PRSS3: variants seen among roughly 807,000 people sequenced by gnomAD.
The protein encoded by PRSS3 is trypsin-3.
Under a neutral mutation model 20.8 loss-of-function variants are expected in PRSS3, and 14 were observed. The observed-to-expected ratio is 0.67, with a 90% CI of 0.44 to 1.05. PRSS3 has a LOEUF of 1.05. Among genes scored for constraint, PRSS3 ranks in the 50% least tolerant of loss-of-function variants. PRSS3 has a pLI of 0.00. For synonymous variants in PRSS3, 91 were observed against 117.6 expected (o/e 0.77, Z 1.46); for missense variants, 237 against 306.4 (o/e 0.77, Z 1.69).
chr9:33,763,564 T>TGGC (rs1285055372), intron 1 of PRSS3, among the ~76,000 whole-genome samples: 1 of 151,998 alleles, frequency 6.6e-6, no homozygotes, highest in African/African-American at 2.4e-5. Flanking sequence ...CCGGGCGTGG[T>TGGC]GGCGGGCACC....
intron 1 of PRSS3, among the ~76,000 whole-genome samples, chr9:33,752,083 T>C (rs1004793235): frequency 2.6e-5 from 4 of 152,228 alleles, no homozygotes; most frequent in East Asian, 1.9e-4. Flanking sequence ...TTCCACTTCC[T>C]TCTTTTTAAA....
intron 1 of PRSS3, among the ~76,000 whole-genome samples, chr9:33,767,834 A>AG (rs897889980): frequency 7.3e-6 from 1 of 137,238 alleles, no homozygotes; most frequent in African/African-American, 2.8e-5. Context: ...TGAAAAAAAA[A>AG]GGAACTTTAG....
chr9:33,795,648 C>G (rs780792340), intron 1 of PRSS3, 35 bp downstream of exon 1: 1 of 1,611,798 alleles, frequency 6.2e-7, no homozygotes, highest in East Asian at 2.2e-5. Context: ...CCCCACCCAC[C>G]CCCTTTCCTG....
intron 1 of PRSS3, among the ~76,000 whole-genome samples, chr9:33,773,701 C>T (rs1447239875): frequency 6.6e-6 from 1 of 152,190 alleles, no homozygotes; most frequent in South Asian, 2.1e-4. Context: ...GGAGTGTCAG[C>T]GGTGCGATCA....
At chr9:33,792,225 C>A (rs188606729), upstream of PRSS3, among the ~76,000 whole-genome samples, 1 of 151,962 alleles carries the variant, frequency 6.6e-6, no homozygotes, top group Non-Finnish European at 1.5e-5. Flanking sequence ...GGCGGGAAGA[C>A]AGCCTAAAAT....
chr9:33,787,274 G>C (rs1319283039), intron 1 of PRSS3, among the ~76,000 whole-genome samples: 1 of 152,120 alleles, frequency 6.6e-6, no homozygotes, highest in African/African-American at 2.4e-5. Flanking sequence ...TTACATTAAT[G>C]ACATCTGGTT....
At chr9:33,781,545 G>A (rs928215927) in intron 1 of PRSS3, among the ~76,000 whole-genome samples, 1 of 152,122 alleles carries the variant, frequency 6.6e-6, no homozygotes, top group Non-Finnish European at 1.5e-5. Context: ...AGAGAGGGAG[G>A]TTGACATGGG....
intron 3 of PRSS3, 26 bp downstream of exon 3, chr9:33,798,108 C>T (rs1348230776): frequency 3.1e-6 from 5 of 1,614,058 alleles, no homozygotes; most frequent in Non-Finnish European, 4.2e-6. Flanking sequence ...TGTCCTTCTA[C>T]TTCCCCCCAT....
intron 1 of PRSS3, among the ~76,000 whole-genome samples, chr9:33,765,422 T>C (rs1293218345): frequency 6.6e-6 from 1 of 152,246 alleles, no homozygotes; most frequent in Non-Finnish European, 1.5e-5. Context: ...CTCAGCATAC[T>C]ATTTTTTTCT....
intron 1 of PRSS3, among the ~76,000 whole-genome samples, chr9:33,770,110 A>C (rs1030153266): frequency 6.6e-6 from 1 of 150,734 alleles, no homozygotes; most frequent in African/African-American, 2.4e-5. Context: ...GTGCCACTGC[A>C]CTCCAGCCTG....
At chr9:33,781,947 G>A (rs1434883788) in intron 1 of PRSS3, among the ~76,000 whole-genome samples, 1 of 152,198 alleles carries the variant, frequency 6.6e-6, no homozygotes, top group African/African-American at 2.4e-5. Context: ...ATGCATTGCA[G>A]TCTTTGAAGG....
In PRSS3 at chr9:33,755,606, T is replaced by C. The variant is rs547518540; in HGVS notation, c.-53+4879T>C. On this transcript the variant is annotated intron_variant, in intron 1 of 5. Transcript: ENST00000342836. ...TTGATATGTCAATGTTTGGTGTGTA[T>C]ATTATTCCCAACTAAGGCACATGAC... is the stretch of plus-strand genomic sequence containing the variant. Among the ~76,000 whole-genome samples, 4 of 152,302 alleles carry C rather than the reference T, an allele frequency of 2.6e-5. No homozygotes were observed. In the South Asian group the frequency reaches 6.2e-4, roughly 24 times the overall value.
chr9:33,798,638 C>A lies in PRSS3; in HGVS notation c.591+16C>A, dbSNP rs1440156137. 16 of 1,613,728 alleles carry A rather than the reference C, an allele frequency of 9.9e-6. No individual in the cohort carries two copies. The highest frequency in any genetic ancestry group is 1.4e-5 in the Non-Finnish European group (16 of 1,179,930). ...TTCCTGCCAGGTGATTTGACCCTTT[C>A]CCATGCTGAGGCTCCCACCGATACC... On this transcript the variant is annotated intron_variant, in intron 4 of 4. Transcript: ENST00000379405.
chr9:33,771,653 T>G (rs529457587), intron 1 of PRSS3, among the ~76,000 whole-genome samples: 7 of 146,328 alleles, frequency 4.8e-5, no homozygotes, highest in African/African-American at 1.2e-4. Flanking sequence ...TTGTTTTTTT[T>G]TTTTTTGAGA....
At chr9:33,754,259 A>G (rs759063518) in intron 1 of PRSS3, among the ~76,000 whole-genome samples, 5 of 151,812 alleles carry the variant, frequency 3.3e-5, no homozygotes, top group Non-Finnish European at 7.4e-5. Flanking sequence ...TTTAGTAGAG[A>G]CGGGGTTTCA....
At chr9:33,792,158 A>T (rs1224513678), upstream of PRSS3, among the ~76,000 whole-genome samples, 4 of 152,132 alleles carry the variant, frequency 2.6e-5, no homozygotes, top group Non-Finnish European at 5.9e-5. Context: ...GCCGTGGGGG[A>T]GATAAGAAGC....
At chr9:33,761,504 C>T (rs1823203999) in intron 1 of PRSS3, among the ~76,000 whole-genome samples, 2 of 152,014 alleles carry the variant, frequency 1.3e-5, no homozygotes. Context: ...GTTGGGAGTT[C>T]GAGACCAGCC....
chr9:33,763,269 C>G (rs955450663), intron 1 of PRSS3, among the ~76,000 whole-genome samples: 1 of 152,200 alleles, frequency 6.6e-6, no homozygotes, highest in African/African-American at 2.4e-5. Flanking sequence ...TTCCCTGAGA[C>G]TCTTGGGCAC....
At chr9:33,753,010 CA>C (rs1354871348) in intron 1 of PRSS3, among the ~76,000 whole-genome samples, 1 of 152,166 alleles carries the variant, frequency 6.6e-6, no homozygotes, top group Non-Finnish European at 1.5e-5. Flanking sequence ...ATCCGTATTT[CA>C]AAAATGAGGA....
Sources: gnomAD v4.1 joint callset for allele counts (sites outside exome capture counted in the v4.1 genomes callset) on GRCh38, gnomAD v4.1.1 for gene constraint, MANE v1.5 for transcripts, NCBI Gene and HGNC (gene_info 2026-07-23, HGNC 2026-07-21) for gene names.